Variants in NCSTN observed in about 807,000 individuals in gnomAD.
NCSTN encodes anterior pharynx-defective 2.
Under a neutral mutation model 87.0 loss-of-function variants are expected in NCSTN, and 22 were observed. The ratio of observed to expected loss-of-function variants is 0.25; its 90% CI spans 0.18 to 0.36. NCSTN has a LOEUF of 0.36. Among genes scored for constraint, NCSTN ranks in the 10% least tolerant of loss-of-function variants. The pLI is 1.00. For missense variants in NCSTN, 693 were observed against 883.3 expected (o/e 0.78, Z 2.73); for synonymous variants, 306 against 327.1 (o/e 0.94, Z 0.69).
In NCSTN at chr1:160,351,130, C is replaced by A. The variant is rs2101901428; in HGVS notation, c.583-92C>A. 5.9e-6 allele frequency: 8 copies of A among 1,365,314 alleles called. No homozygotes were observed. In the South Asian group the frequency reaches 8.2e-5, roughly 14 times the overall value. The allele number at this position is 1,365,314 out of a possible 1,614,324, so 84.6% of individuals were successfully genotyped here. A position where few individuals can be genotyped will look rare whatever the true frequency, so the allele number is the denominator to read the frequency against. Reference sequence around the variant, plus strand: ...CTCCGAAAAGGGTGTGGCTCCATCCCAAAAGGATGGAACTGGGCCCTCCTC... The same window carrying A: ...CTCCGAAAAGGGTGTGGCTCCATCCAAAAAGGATGGAACTGGGCCCTCCTC... On this transcript the variant is annotated intron_variant, in intron 5 of 16. Transcript: ENST00000294785.
chr1:160,344,965 A>G (rs1648382719), intron 2 of NCSTN, 139 bp downstream of exon 2: 7 of 760,418 alleles, frequency 9.2e-6, no homozygotes, highest in Middle Eastern at 2.4e-4. Context: ...CCGTCTGTCA[A>G]GCTAGGCAAG....
rs372683363 is a variant in NCSTN at position 160,348,572 on chromosome 1, G to A, written c.191-427G>A. Among the ~76,000 whole-genome samples, 65 of 152,312 alleles carry A rather than the reference G, an allele frequency of 4.3e-4. No individual in the cohort carries two copies. In the East Asian group the frequency reaches 0.012, roughly 29 times the overall value. On this transcript the variant is annotated intron_variant, in intron 2 of 16. Transcript: ENST00000294785. ...AAGGGCAAAAGGAATGACGATCCAG[G>A]AAAGCTCCTGAGGCCAAGGGCATGT... is the stretch of plus-strand genomic sequence containing the variant.
chr1:160,343,584 T>TC, intron 1 of NCSTN, 103 bp downstream of exon 1: 6 of 1,060,226 alleles, frequency 5.7e-6, no homozygotes, highest in Non-Finnish European at 8.6e-6. Flanking sequence ...TGCCCCTCTG[T>TC]CCCCCCACCC....
rs142145305 is a variant in NCSTN at position 160,354,288 on chromosome 1, C to T, written c.1350C>T (p.Asn450=). Residue 450 remains asparagine, a splice_region_variant and synonymous_variant, in exon 11 of 17, where the codon AAC becomes AAT. Coordinates refer to ENST00000294785, the MANE Select transcript of NCSTN (RefSeq NM_015331.3). ...CTGACCACTCTGGTGCCTTCCATAA[C>T]AAGTAAGAATCACTTGGCCCTGCAC... The part of the protein sequence containing the change: ...VLADHSGAFH[N]KYYQSIYDTA... The T allele has an allele frequency of 1.3e-5, 21 of 1,614,112 alleles. No homozygotes were observed. In the African/African-American group the frequency reaches 2.0e-4, roughly 15 times the overall value.
In NCSTN at chr1:160,358,692, G is replaced by C. The variant is rs1417359640; in HGVS notation, c.*421G>C. ...GAAGGACATAAAAGGTTTAATGTCA[G>C]GGTCAAACTACATTGAGCCCCTGAG... On this transcript the variant is annotated 3_prime_UTR_variant, in exon 17 of 17. Coordinates refer to ENST00000294785, the MANE Select transcript of NCSTN (RefSeq NM_015331.3). 3.4e-6 allele frequency: 1 copy of C among 294,654 alleles called. No homozygotes were observed. The highest frequency in any genetic ancestry group is 2.2e-5 in the African/African-American group (1 of 45,882). The allele number at this position is 294,654 out of a possible 1,614,324, so 18.3% of individuals were successfully genotyped here. A position where few individuals can be genotyped will look rare whatever the true frequency, so the allele number is the denominator to read the frequency against.
chr1:160,352,849 A>G, intron 8 of NCSTN, 38 bp from the exon 9 acceptor site: 1 of 1,532,776 alleles, frequency 6.5e-7, no homozygotes, highest in Non-Finnish European at 9.0e-7. Flanking sequence ...AACCCTTTGG[A>G]ATCTCTGTTC....
chr1:160,353,966 G>T, intron 10 of NCSTN, 152 bp from the exon 11 acceptor site: 1 of 890,818 alleles, frequency 1.1e-6, no homozygotes, highest in Non-Finnish European at 1.7e-6. Context: ...AGAGAGCCTT[G>T]GTCCCAAAAG....
chr1:160,349,632 G>A lies in NCSTN; in HGVS notation c.398G>A (p.Gly133Asp), dbSNP rs1457014956. 1.9e-6 allele frequency: 3 copies of A among 1,614,034 alleles called. No individual in the cohort carries two copies. The highest frequency in any genetic ancestry group is 2.5e-6 in the Non-Finnish European group (3 of 1,180,038). Reference sequence around the variant, plus strand: ...TTGACCAAGCCCAGTCCTGCCTCAGGCTTCTCTCCTAGTGTACAGTGCCCA... The same window carrying A: ...TTGACCAAGCCCAGTCCTGCCTCAGACTTCTCTCCTAGTGTACAGTGCCCA... Reference protein sequence around the residue: ...VSLTKPSPASGFSPSVQCPND... With the variant: ...VSLTKPSPASDFSPSVQCPND... Residue 133 changes from glycine to aspartate, a missense_variant, in exon 4 of 17, where the codon GGC (glycine) becomes GAC (aspartate). Physicochemically the swap from Gly to Asp is moderately conservative, Grantham distance 94 (BLOSUM62 -1). Coordinates refer to ENST00000294785, the MANE Select transcript of NCSTN (RefSeq NM_015331.3).
chr1:160,356,909 G>GGA, intron 15 of NCSTN, 132 bp from the exon 16 acceptor site: 1 of 1,368,946 alleles, frequency 7.3e-7, no homozygotes, highest in Non-Finnish European at 1.0e-6. Flanking sequence ...GGGTGAAAAT[G>GGA]GACCATCTGA....
At position 160,351,263 on chromosome 1, in the gene NCSTN, A is replaced by G; in HGVS notation, c.624A>G (p.Pro208=). The change falls in exon 6 of 17, where the codon CCA becomes CCG. Residue 208 remains proline (P), a synonymous_variant. Transcript: ENST00000294785. ...DHNLSQNGSA[P]TFPLCAMQLF... is the part of the protein sequence containing the mutation. ...ACCTGAGTCAGAATGGCTCAGCACC[A>G]ACCTTCCCACTATGTGCCATGCAGC... 1 of 1,614,098 alleles carries G rather than the reference A, an allele frequency of 6.2e-7. No individual in the cohort carries two copies. Among genetic ancestry groups the G allele is most frequent in the African/African-American group, 1.3e-5 (1 of 75,024 alleles).
chr1:160,349,345 C>G (rs1649430129), intron 3 of NCSTN: 2 of 935,976 alleles, frequency 2.1e-6, no homozygotes, highest in Admixed American at 4.0e-5. Flanking sequence ...CATCCCTCCC[C>G]TCCCTCCCTG....
chr1:160,344,768 A>T lies in NCSTN; in HGVS notation c.132A>T (p.Leu44Phe). ...TGGAGAGGAAGATATATATCCCCTT[A>T]AATAAAACAGCTCCCTGTGTTCGCC... is the stretch of plus-strand genomic sequence containing the variant. The part of the protein sequence containing the change: ...NSVERKIYIP[L>F]NKTAPCVRLL... The change falls in exon 2 of 17, where the codon TTA becomes TTT. Residue 44 changes from leucine to phenylalanine, a missense_variant. By Grantham distance (22) the Leu-to-Phe change is conservative. Transcript: ENST00000294785. The T allele has an allele frequency of 6.2e-7, 1 of 1,614,136 alleles. No homozygotes were observed. Among genetic ancestry groups the T allele is most frequent in the Non-Finnish European group, 8.5e-7 (1 of 1,180,020 alleles).
At chr1:160,351,116 GT>G in intron 5 of NCSTN, 105 bp from the exon 6 acceptor site, 1 of 1,154,470 alleles carries the variant, frequency 8.7e-7, no homozygotes, top group Non-Finnish European at 1.3e-6. Context: ...TCCGAAAAGG[GT>G]GTGGCTCCAT....
Position 160,350,268 on chromosome 1 carries a change from T to C in NCSTN, c.582+18T>C, listed in dbSNP as rs201757200. Reference sequence around the variant, plus strand: ...TCAAGCAGGTAATGACACTGCCAGCTCCTAGCAATTCCAGTTAGAAAGAAG... The same window carrying C: ...TCAAGCAGGTAATGACACTGCCAGCCCCTAGCAATTCCAGTTAGAAAGAAG... On this transcript the variant is annotated intron_variant, in intron 5 of 16. Coordinates refer to ENST00000294785, the MANE Select transcript of NCSTN (RefSeq NM_015331.3). 63 of 1,612,864 alleles carry C rather than the reference T, an allele frequency of 3.9e-5. No individual in the cohort carries two copies. The highest frequency in any genetic ancestry group is 5.3e-5 in the Non-Finnish European group (62 of 1,179,154).
Position 160,350,172 on chromosome 1 carries a change from C to T in NCSTN, c.504C>T (p.Gly168=), listed in dbSNP as rs200617698. 1 of 1,614,028 alleles carries T rather than the reference C, an allele frequency of 6.2e-7. No homozygotes were observed. Among genetic ancestry groups the T allele is most frequent in the African/African-American group, 1.3e-5 (1 of 75,026 alleles). The change falls in exon 5 of 17, where the codon GGC becomes GGT. Residue 168 remains glycine, a synonymous_variant. Coordinates refer to ENST00000294785, the MANE Select transcript of NCSTN (RefSeq NM_015331.3). The stretch of plus-strand genomic sequence containing the variant: ...GAGAAATACAGTGGAATTCGCTGGG[C>T]AATGGTTTGGCTTATGAAGACTTTA... ...HCREIQWNSL[G]NGLAYEDFSF...
rs755455040 is a variant in NCSTN at position 160,352,961 on chromosome 1, G to C, written c.1071G>C (p.Glu357Asp). Residue 357 changes from glutamate to aspartate, a missense_variant, in exon 9 of 17, where the codon GAG becomes GAC. Transcript: ENST00000294785. ...MEKGKFPVQLENVDSFVELGQ... is the reference protein window; with the variant it reads ...MEKGKFPVQLDNVDSFVELGQ... ...AGGGCAAGTTTCCCGTGCAGTTAGA[G>C]AATGTTGACTCATTTGTGGAGCTGG... 9 of 1,614,070 alleles carry C rather than the reference G, an allele frequency of 5.6e-6. No individual in the cohort carries two copies. In the African/African-American group the frequency reaches 1.1e-4, roughly 19 times the overall value.
At position 160,358,295 on chromosome 1, in the gene NCSTN, A is replaced by T; in HGVS notation, c.*24A>T. The T allele has an allele frequency of 6.2e-7, 1 of 1,613,950 alleles. No homozygotes were observed. The highest frequency in any genetic ancestry group is 8.5e-7 in the Non-Finnish European group (1 of 1,180,012). On this transcript the variant is annotated 3_prime_UTR_variant, in exon 17 of 17. Coordinates refer to ENST00000294785, the MANE Select transcript of NCSTN (RefSeq NM_015331.3). ...GAGGAGGACCCCAGCTTTTCTTGCC[A>T]GCTCAGCAGTTCACTTCCTAGAGCA...
chr1:160,344,497 A>G (rs769463636), intron 1 of NCSTN: 116 of 1,543,736 alleles, frequency 7.5e-5, no homozygotes, highest in Non-Finnish European at 9.5e-5. Context: ...ATGGCGCTAC[A>G]TGGACTTTGT....
At chr1:160,348,558 G>T (rs1557883804) in intron 2 of NCSTN, among the ~76,000 whole-genome samples, 1 of 152,178 alleles carries the variant, frequency 6.6e-6, no homozygotes, top group African/African-American at 2.4e-5. Context: ...AGGGCAAAAG[G>T]AATGACGATC....
Sources: allele counts gnomAD v4.1 joint callset (sites outside exome capture counted in the v4.1 genomes callset), GRCh38; gene constraint gnomAD v4.1.1; transcripts MANE v1.5; gene names NCBI Gene and HGNC (gene_info 2026-07-23, HGNC 2026-07-21).